The following DENND11 variants were observed in gnomAD, a reference collection of about 807,000 sequenced individuals.
The protein encoded by DENND11 is DENN domain-containing protein 11.
A neutral mutation model predicts 49.2 loss-of-function variants in DENND11; 34 were observed. The ratio of observed to expected loss-of-function variants is 0.69; its 90% CI spans 0.53 to 0.92. The LOEUF (loss-of-function observed/expected upper bound fraction) is 0.92. Among genes scored for constraint, DENND11 ranks in the 40% least tolerant of loss-of-function variants. The pLI is 0.00. For missense variants in DENND11, 475 were observed against 581.6 expected (o/e 0.82, Z 1.88); for synonymous variants, 238 against 230.3 (o/e 1.03, Z -0.30).
In DENND11 at chr7:141,658,012, C is replaced by CT. The variant is rs945878631; in HGVS notation, c.*4643dup. The stretch of plus-strand genomic sequence containing the variant: ...TTCCTAGGACTGTCAAGTCTGCCTC[C>CT]TAAAGAGCGCTGTCAGGATTTCATA... On this transcript the variant is annotated 3_prime_UTR_variant, in exon 9 of 9. Coordinates refer to ENST00000536163, the MANE Select transcript of DENND11 (RefSeq NM_001080392.2). 5 of 152,342 alleles carry CT rather than the reference C, an allele frequency of 3.3e-5. No individual in the cohort carries two copies. Among genetic ancestry groups the CT allele is most frequent in the African/African-American group, 1.2e-4 (5 of 41,450 alleles). 9.4% of individuals were successfully genotyped at this position (152,342 alleles called of 1,614,324 possible). A position where few individuals can be genotyped will look rare whatever the true frequency, so the allele number is the denominator to read the frequency against.
intron 3 of DENND11, among the ~76,000 whole-genome samples, chr7:141,684,559 T>C (rs750759008): frequency 1.3e-5 from 2 of 152,180 alleles, no homozygotes; most frequent in Non-Finnish European, 2.9e-5. Context: ...TCCTCTGTAC[T>C]TTCATATAAA....
At chr7:141,700,659 G>A (rs1207271861) in intron 1 of DENND11, among the ~76,000 whole-genome samples, 1 of 151,904 alleles carries the variant, frequency 6.6e-6, no homozygotes, top group East Asian at 1.9e-4. Context: ...ATGGAATGTG[G>A]CAAAGAAACA....
At chr7:141,685,029 A>ATATATATATAT (rs1554410117) in intron 3 of DENND11, among the ~76,000 whole-genome samples, 3 of 91,540 alleles carry the variant, frequency 3.3e-5, no homozygotes, top group African/African-American at 1.3e-4. Flanking sequence ...AAAAAAAAAA[A>ATATATATATAT]ATATATATAT....
At chr7:141,677,521 G>GTATATA (rs71522151) in intron 3 of DENND11, among the ~76,000 whole-genome samples, 3 of 132,532 alleles carry the variant, frequency 2.3e-5, no homozygotes, top group Non-Finnish European at 3.2e-5. Context: ...ATATATATAT[G>GTATATA]TATATATATA....
In DENND11 at chr7:141,674,124, G is replaced by A. The variant is rs774417847; in HGVS notation, c.624C>T (p.Ser208=). 6.3e-7 allele frequency: 1 copy of A among 1,598,436 alleles called. No individual in the cohort carries two copies. Among genetic ancestry groups the A allele is most frequent in the East Asian group, 2.3e-5 (1 of 44,338 alleles). The part of the protein sequence containing the change: ...VLHAGPGRGS[S]LPPVYWLPSI... ...AAGGCAGCCAGTAGACAGGGGGCAGGCTGCTGCCTCTGCCGGGACCAGCAT... is the reference window on the plus strand; with the variant it reads ...AAGGCAGCCAGTAGACAGGGGGCAGACTGCTGCCTCTGCCGGGACCAGCAT... The change falls in exon 4 of 9, where the codon AGC becomes AGT. Residue 208 remains serine, a synonymous_variant. Coordinates refer to ENST00000536163, the MANE Select transcript of DENND11 (RefSeq NM_001080392.2).
rs929411359 is a variant in DENND11 at position 141,665,109 on chromosome 7, A to G, written c.953-55T>C. On this transcript the variant is annotated intron_variant, in intron 6 of 8. Coordinates refer to ENST00000536163, the MANE Select transcript of DENND11 (RefSeq NM_001080392.2). ...ACCCACCCGACCCCACTGGGAAACA[A>G]GGCGCCCAGGAGCCCTGTGTCTGGG... The G allele has an allele frequency of 8.7e-6, 14 of 1,609,388 alleles. No homozygotes were observed. The African/African-American group carries it at 1.2e-4, about 14-fold the overall frequency.
intron 1 of DENND11, among the ~76,000 whole-genome samples, chr7:141,688,629 G>A (rs1798280716): frequency 6.6e-6 from 1 of 152,190 alleles, no homozygotes. Flanking sequence ...GATAAGACGA[G>A]TTTTTTAAGC....
chr7:141,659,605 GAAC>G lies in DENND11; in HGVS notation c.*3048_*3050del, dbSNP rs1329204119. 1 of 152,302 alleles carries G rather than the reference GAAC, an allele frequency of 6.6e-6. No homozygotes were observed. The highest frequency in any genetic ancestry group is 1.5e-5 in the Non-Finnish European group (1 of 68,174). 9.4% of individuals were successfully genotyped at this position (152,302 alleles called of 1,614,324 possible). A position where few individuals can be genotyped will look rare whatever the true frequency, so the allele number is the denominator to read the frequency against. ...CTGGAACTTCTTCTGACTTATTCAGGAACAACAGGGCAGCCCAGCCAGCATCTC... is the reference window on the plus strand; with the variant it reads ...CTGGAACTTCTTCTGACTTATTCAGGAACAGGGCAGCCCAGCCAGCATCTC... On this transcript the variant is annotated 3_prime_UTR_variant, in exon 9 of 9. Coordinates refer to ENST00000536163, the MANE Select transcript of DENND11 (RefSeq NM_001080392.2).
chr7:141,685,030 AT>A (rs370278260), intron 3 of DENND11, among the ~76,000 whole-genome samples: 22,571 of 66,350 alleles, frequency 0.34, 2,759 homozygotes, highest in East Asian at 0.49. Flanking sequence ...AAAAAAAAAA[AT>A]ATATATATAT....
rs572213361 is a variant in DENND11 at position 141,695,095 on chromosome 7, T to A, written c.268+6791A>T. The stretch of plus-strand genomic sequence containing the variant: ...TTTTGGTAGGTTCCTATCTTTTTTT[T>A]AAAAAAAATGTGCCACTGACAAAGT... On this transcript the variant is annotated intron_variant, in intron 1 of 8. Coordinates refer to ENST00000536163, the MANE Select transcript of DENND11 (RefSeq NM_001080392.2). 2.4e-3 allele frequency among the ~76,000 whole-genome samples: 363 copies of A among 152,148 alleles called. 4 individuals carry two copies. Among genetic ancestry groups the A allele is most frequent in the African/African-American group, 6.2e-3 (258 of 41,528 alleles).
At chr7:141,692,493 C>G (rs77833237) in intron 1 of DENND11, among the ~76,000 whole-genome samples, 1 of 152,226 alleles carries the variant, frequency 6.6e-6, no homozygotes, top group Middle Eastern at 3.4e-3. Context: ...ATCACATAAT[C>G]TTTGCCAAAG....
intron 8 of DENND11, chr7:141,663,307 A>C (rs1162781304): frequency 6.5e-6 from 1 of 155,024 alleles, no homozygotes; most frequent in African/African-American, 2.4e-5. Flanking sequence ...TGCACAGATC[A>C]AGATTTAAAA....
At chr7:141,696,085 CAGA>C (rs879297140) in intron 1 of DENND11, among the ~76,000 whole-genome samples, 29 of 152,210 alleles carry the variant, frequency 1.9e-4, no homozygotes, top group Admixed American at 1.8e-3. Flanking sequence ...CAGGCAAAGC[CAGA>C]AGGTCAGTGT....
rs577996836 is a variant in DENND11 at position 141,681,481 on chromosome 7, A to C, written c.527+3997T>G. ...GTATTCTTGGGCAGACAAGGGAGTC[A>C]GCTTATTTACAAAGATCAGATTTAG... On this transcript the variant is annotated intron_variant, in intron 3 of 8. Coordinates refer to ENST00000536163, the MANE Select transcript of DENND11 (RefSeq NM_001080392.2). 6.6e-5 allele frequency among the ~76,000 whole-genome samples: 10 copies of C among 152,342 alleles called. No homozygotes were observed. The South Asian group carries it at 2.1e-3, about 32-fold the overall frequency.
intron 1 of DENND11, among the ~76,000 whole-genome samples, chr7:141,697,169 A>G (rs1337032955): frequency 3.3e-5 from 5 of 152,112 alleles, no homozygotes; most frequent in Non-Finnish European, 7.3e-5. Context: ...TCTCATGATG[A>G]TGGTGTAGTC....
intron 1 of DENND11, among the ~76,000 whole-genome samples, chr7:141,687,055 A>G (rs1334131664): frequency 2.0e-5 from 3 of 152,126 alleles, no homozygotes; most frequent in Non-Finnish European, 4.4e-5. Flanking sequence ...ATCTATAGCC[A>G]CTAATGACTG....
rs557274653 is a variant in DENND11, at chr7:141,665,255, G to T, written c.884C>A (p.Ser295Tyr). ...CACGTTCACGTAGAAGAAAGGTTTGGACTCAGGAATGGTGCCCCCGATGCC... is the reference window on the plus strand; with the variant it reads ...CACGTTCACGTAGAAGAAAGGTTTGTACTCAGGAATGGTGCCCCCGATGCC... ...LPGIGGTIPE[S>Y]KPFFYVNVAD... The change falls in exon 6 of 9, where the codon TCC (serine) becomes TAC (tyrosine). Residue 295 changes from serine (S) to tyrosine (Y), a missense_variant. Ser to Tyr is a moderately radical substitution (Grantham distance 144, BLOSUM62 -2). Coordinates refer to ENST00000536163, the MANE Select transcript of DENND11 (RefSeq NM_001080392.2). The T allele has an allele frequency of 1.2e-6, 2 of 1,613,660 alleles. No individual in the cohort carries two copies. The highest frequency in any genetic ancestry group is 1.7e-6 in the Non-Finnish European group (2 of 1,179,854).
Position 141,659,615 on chromosome 7 carries a change from G to C in DENND11, c.*3041C>G, listed in dbSNP as rs1203166388. 6.6e-6 allele frequency: 1 copy of C among 152,338 alleles called. No homozygotes were observed. Among genetic ancestry groups the C allele is most frequent in the African/African-American group, 2.4e-5 (1 of 41,428 alleles). 9.4% of individuals were successfully genotyped at this position (152,338 alleles called of 1,614,324 possible). A position where few individuals can be genotyped will look rare whatever the true frequency, so the allele number is the denominator to read the frequency against. On this transcript the variant is annotated 3_prime_UTR_variant, in exon 9 of 9. Coordinates refer to ENST00000536163, the MANE Select transcript of DENND11 (RefSeq NM_001080392.2). ...TTCTGACTTATTCAGGAACAACAGG[G>C]CAGCCCAGCCAGCATCTCAGGTCAG...
intron 3 of DENND11, among the ~76,000 whole-genome samples, chr7:141,685,097 A>C (rs1051041382): frequency 1.3e-5 from 2 of 149,028 alleles, no homozygotes; most frequent in Admixed American, 6.7e-5. Context: ...TCATAGTAAG[A>C]ATCCCAATAA....
Sources: gnomAD v4.1 joint callset for allele counts (sites outside exome capture counted in the v4.1 genomes callset) on GRCh38, gnomAD v4.1.1 for gene constraint, MANE v1.5 for transcripts, NCBI Gene and HGNC (gene_info 2026-07-23, HGNC 2026-07-21) for gene names.